PHF20: variants seen among roughly 807,000 people sequenced by gnomAD.
PHF20 encodes PHD finger protein 20, also known as glioma-expressed antigen 2.
PHF20 carries 23 observed loss-of-function variants against 113.5 expected under a neutral mutation model. That is an observed-to-expected ratio of 0.20 (90% confidence interval 0.15 to 0.29). The LOEUF (loss-of-function observed/expected upper bound fraction) is 0.29. PHF20 is among the 10% of genes least tolerant of loss of function. The pLI is 1.00. For missense variants in PHF20, 943 were observed against 1,219.6 expected (o/e 0.77, Z 3.38); for synonymous variants, 434 against 457.3 (o/e 0.95, Z 0.65).
intron 6 of PHF20, among the ~76,000 whole-genome samples, chr20:35,865,931 G>A (rs992906937): frequency 6.6e-6 from 1 of 151,904 alleles, no homozygotes; most frequent in Admixed American, 6.6e-5. Context: ...AAAATTGGCC[G>A]GGCATGGTGG....
intron 4 of PHF20, among the ~76,000 whole-genome samples, chr20:35,848,740 C>T (rs989682936): frequency 1.3e-5 from 2 of 151,636 alleles, no homozygotes; most frequent in Admixed American, 1.3e-4. Flanking sequence ...TCCTGTAGTC[C>T]TAGCTACTCG....
chr20:35,919,120 G>A (rs1040431718), intron 13 of PHF20, among the ~76,000 whole-genome samples: 3 of 151,756 alleles, frequency 2.0e-5, no homozygotes, highest in South Asian at 4.2e-4. Context: ...AGGTTCAAGC[G>A]ATTCGCCTGC....
Position 35,947,469 on chromosome 20 carries a change from T to C in PHF20, c.2897-16T>C. The C allele has an allele frequency of 6.2e-7, 1 of 1,612,716 alleles. No homozygotes were observed. The highest frequency in any genetic ancestry group is 1.7e-5 in the Admixed American group (1 of 59,948). On this transcript the variant is annotated splice_polypyrimidine_tract_variant and intron_variant, in intron 17 of 17. Transcript: ENST00000374012. ...TTGGGAGTTCACTAGGTCTCATCTC[T>C]CTCTTCTGCCGACAGTGTTGGAGAG... is the stretch of plus-strand genomic sequence containing the variant.
intron 2 of PHF20, among the ~76,000 whole-genome samples, chr20:35,830,573 G>A (rs971445587): frequency 1.3e-5 from 2 of 152,150 alleles, no homozygotes; most frequent in African/African-American, 4.8e-5. Flanking sequence ...TGTGAATTCT[G>A]GAGTACAGAC....
In PHF20 at chr20:35,947,845, TCTTGGGATTCCCCTCTTCTGTGCA is replaced by T; in HGVS notation, c.*220_*243del. On this transcript the variant is annotated 3_prime_UTR_variant, in exon 18 of 18. Transcript: ENST00000374012. ...CCTGCCATAAAGGTAGCAAATAGAC[TCTTGGGATTCCCCTCTTCTGTGCA>T]CATCGTTGAATGAAGAGAGTCTTTT... is the stretch of plus-strand genomic sequence containing the variant. The T allele has an allele frequency of 1.9e-6, 1 of 526,612 alleles. No homozygotes were observed. The highest frequency in any genetic ancestry group is 3.4e-6 in the Non-Finnish European group (1 of 292,644). 32.6% of individuals were successfully genotyped at this position (526,612 alleles called of 1,614,324 possible). A position where few individuals can be genotyped will look rare whatever the true frequency, so the allele number is the denominator to read the frequency against.
chr20:35,932,934 G>A (rs906221385), intron 15 of PHF20, among the ~76,000 whole-genome samples: 1 of 152,050 alleles, frequency 6.6e-6, no homozygotes, highest in Non-Finnish European at 1.5e-5. Context: ...CATGTAAGTG[G>A]AGTCATATAG....
chr20:35,836,365 T>C (rs1310386229), intron 2 of PHF20, among the ~76,000 whole-genome samples: 1 of 152,130 alleles, frequency 6.6e-6, no homozygotes, highest in Non-Finnish European at 1.5e-5. Flanking sequence ...TCATAAGATA[T>C]GCACTATTCT....
rs752549027 is a variant in PHF20 at position 35,940,957 on chromosome 20, C to G, written c.2806C>G (p.His936Asp). The G allele has an allele frequency of 6.2e-7, 1 of 1,614,192 alleles. No homozygotes were observed. Among genetic ancestry groups the G allele is most frequent in the Non-Finnish European group, 8.5e-7 (1 of 1,180,002 alleles). Residue 936 changes from histidine (H) to aspartate (D), a missense_variant, in exon 17 of 18, where the codon CAC (histidine) becomes GAC (aspartate). His to Asp is a moderately conservative substitution (Grantham distance 81). Transcript: ENST00000374012. ...TGGAGAGGGGCTGCTGAGCTCCCAG[C>G]ACCAGTGGCAGTTTAACCTGCTGAC... ...RGGEGLLSSQ[H>D]QWQFNLLTHV... is the part of the protein sequence containing the mutation.
rs2041281638 is a variant in PHF20, at chr20:35,780,909, A to G, written c.-33+8830A>G. 2.2e-5 allele frequency among the ~76,000 whole-genome samples: 3 copies of G among 134,714 alleles called. No individual in the cohort carries two copies. In the Admixed American group the frequency reaches 2.4e-4, roughly 11 times the overall value. The allele number at this position is 134,714 out of a possible 152,430, so 88.4% of individuals were successfully genotyped here. On this transcript the variant is annotated intron_variant, in intron 1 of 17. Coordinates refer to ENST00000374012, the MANE Select transcript of PHF20 (RefSeq NM_016436.5). ...CACCTTGTAGCCCAGGCTGGAGTGC[A>G]ATGGCACGATCTTGGCTCACTGCAA...
chr20:35,884,469 G>T (rs1047721112), intron 9 of PHF20, among the ~76,000 whole-genome samples: 13 of 152,156 alleles, frequency 8.5e-5, no homozygotes, highest in African/African-American at 2.4e-4. Flanking sequence ...TGATTTCTGT[G>T]GGGGCTGAGT....
intron 1 of PHF20, among the ~76,000 whole-genome samples, chr20:35,798,621 A>G (rs1393575553): frequency 6.7e-6 from 1 of 148,752 alleles, no homozygotes; most frequent in Non-Finnish European, 1.5e-5. Flanking sequence ...TGCCTGGCTA[A>G]TTTTGTATTT....
At chr20:35,867,800 T>G (rs894511823) in intron 6 of PHF20, among the ~76,000 whole-genome samples, 1 of 152,030 alleles carries the variant, frequency 6.6e-6, no homozygotes, top group Non-Finnish European at 1.5e-5. Context: ...TCTTTCTCCC[T>G]TCCCTTCCTC....
intron 12 of PHF20, 28 bp downstream of exon 12, chr20:35,914,225 T>C (rs1156578892): frequency 6.3e-7 from 1 of 1,595,748 alleles, no homozygotes; most frequent in African/African-American, 1.3e-5. Flanking sequence ...TCCTGATCAT[T>C]TGCTGATCAT....
At chr20:35,934,901 CA>C (rs1375637368) in intron 15 of PHF20, among the ~76,000 whole-genome samples, 17 of 152,266 alleles carry the variant, frequency 1.1e-4, no homozygotes, top group Non-Finnish European at 2.2e-4. Flanking sequence ...CCATGTAAAC[CA>C]AATGAATTTG....
Position 35,863,067 on chromosome 20 carries a change from TCTC to T in PHF20, c.478_480del (p.Pro160del). 1.9e-6 allele frequency: 3 copies of T among 1,604,726 alleles called. No homozygotes were observed. The highest frequency in any genetic ancestry group is 3.4e-4 in the Middle Eastern group (2 of 5,966). On this transcript the variant is annotated inframe_deletion, in exon 6 of 18. Coordinates refer to ENST00000374012, the MANE Select transcript of PHF20 (RefSeq NM_016436.5). ...AACAGATCACAAAAGTCTTTCATCA[TCTC>T]CTGATAAACGAGAGAAGTTTAAAGA...
chr20:35,778,441 G>A (rs6058321), intron 1 of PHF20, among the ~76,000 whole-genome samples: 17 of 152,198 alleles, frequency 1.1e-4, no homozygotes, highest in African/African-American at 3.9e-4. Flanking sequence ...ACAGGCTATT[G>A]ACTATAGGGT....
At chr20:35,796,283 G>A (rs1187959157) in intron 1 of PHF20, among the ~76,000 whole-genome samples, 1 of 151,908 alleles carries the variant, frequency 6.6e-6, no homozygotes, top group African/African-American at 2.4e-5. Context: ...TTACATATTT[G>A]TTGAGTTTAT....
intron 10 of PHF20, among the ~76,000 whole-genome samples, chr20:35,903,020 T>A (rs1289365792): frequency 6.7e-6 from 1 of 148,426 alleles, no homozygotes; most frequent in Non-Finnish European, 1.5e-5. Flanking sequence ...TTTTCTTTTT[T>A]CTTTTTTTTT....
intron 3 of PHF20, among the ~76,000 whole-genome samples, chr20:35,846,588 C>T (rs2042628615): frequency 6.6e-6 from 1 of 151,330 alleles, no homozygotes; most frequent in African/African-American, 2.4e-5. Flanking sequence ...ATGCTGCTTC[C>T]CTGAGTATGA....
Sources: allele counts gnomAD v4.1 joint callset (sites outside exome capture counted in the v4.1 genomes callset), GRCh38; gene constraint gnomAD v4.1.1; transcripts MANE v1.5; gene names NCBI Gene and HGNC (gene_info 2026-07-23, HGNC 2026-07-21).